Variants in HS6ST1 observed in about 807,000 individuals in gnomAD.
The protein encoded by HS6ST1 is heparan-sulfate 6-O-sulfotransferase 1.
Under a neutral mutation model 25.2 loss-of-function variants are expected in HS6ST1, and 3 were observed. That is an observed-to-expected ratio of 0.12 (90% CI 0.05 to 0.31). The LOEUF (loss-of-function observed/expected upper bound fraction) is 0.31. Ranked by LOEUF, HS6ST1 falls within the 10% of genes least tolerant of loss-of-function variation. The probability of loss-of-function intolerance (pLI) is 1.00; values close to 1 mark genes in which losing one functional copy is unlikely to be tolerated. For missense variants in HS6ST1, 310 were observed against 609.6 expected, an observed-to-expected ratio of 0.51 and a Z score of 5.18; for synonymous variants, 204 against 275.1, an observed-to-expected ratio of 0.74 and a Z score of 2.56.
intron 1 of HS6ST1, among the ~76,000 whole-genome samples, chr2:128,280,049 G>A (rs1693757334): frequency 6.6e-6 from 1 of 152,160 alleles, no homozygotes; most frequent in Non-Finnish European, 1.5e-5. Context: ...GAACCTTCAG[G>A]AGGACGCCAA....
chr2:128,299,128 T>C (rs1452530295), intron 1 of HS6ST1, among the ~76,000 whole-genome samples: 3 of 152,226 alleles, frequency 2.0e-5, no homozygotes, highest in Non-Finnish European at 2.9e-5. Flanking sequence ...AAGGACCCAG[T>C]TTCTGTTCTT....
chr2:128,278,877 G>C (rs764440714), intron 1 of HS6ST1, among the ~76,000 whole-genome samples: 4 of 152,184 alleles, frequency 2.6e-5, no homozygotes, highest in African/African-American at 7.2e-5. Context: ...CAGGAGTTGA[G>C]AGTTCGGTGA....
chr2:128,317,241 T>A (rs951787354), intron 1 of HS6ST1, among the ~76,000 whole-genome samples: 3 of 152,182 alleles, frequency 2.0e-5, no homozygotes, highest in Non-Finnish European at 4.4e-5. Flanking sequence ...CTCACGCAGC[T>A]CAGCTCTGAC....
intron 1 of HS6ST1, among the ~76,000 whole-genome samples, chr2:128,284,502 C>CTTTTTTTTTTT (rs1558872399): frequency 1.9e-5 from 2 of 104,414 alleles, no homozygotes; most frequent in African/African-American, 9.0e-5. Flanking sequence ...GACATCGTCC[C>CTTTTTTTTTTT]TCTTTTTTTT....
chr2:128,287,940 A>G (rs945921637), intron 1 of HS6ST1, among the ~76,000 whole-genome samples: 1 of 152,214 alleles, frequency 6.6e-6, no homozygotes, highest in Admixed American at 6.5e-5. Flanking sequence ...CCTGCCTGGC[A>G]CTTTCTGGCT....
At position 128,268,266 on chromosome 2, in the gene HS6ST1, G is replaced by C; in HGVS notation, c.1132C>G (p.Arg378Gly). 6.2e-7 allele frequency: 1 copy of C among 1,611,902 alleles called. No individual in the cohort carries two copies. Among genetic ancestry groups the C allele is most frequent in the Non-Finnish European group, 8.5e-7 (1 of 1,179,578 alleles). Residue 378 changes from arginine to glycine, a missense_variant, in exon 2 of 2, where the codon CGT becomes GGT. Coordinates refer to ENST00000259241, the MANE Select transcript of HS6ST1 (RefSeq NM_004807.3). The part of the protein sequence containing the change: ...REQRLRSREE[R>G]LLHRAKEALP... ...GCCTCCTTGGCCCGGTGCAGCAGAC[G>C]CTCCTCGCGGCTCCTCAGGCGCTGC...
rs541516324 is a variant in HS6ST1 at position 128,299,097 on chromosome 2, G to A, written c.527+18940C>T. 1.8e-4 allele frequency among the ~76,000 whole-genome samples: 28 copies of A among 152,370 alleles called. No homozygotes were observed. In the South Asian group the frequency reaches 5.8e-3, roughly 32 times the overall value. On this transcript the variant is annotated intron_variant, in intron 1 of 1. Transcript: ENST00000259241. ...CAGAAACACACCTGGACGTGGCCCA[G>A]GGCCGAGGTGTGACCTAGCCAAGGA...
In HS6ST1 at chr2:128,318,583, C is replaced by T. The variant is rs1694412511; in HGVS notation, c.-20G>A. On this transcript the variant is annotated 5_prime_UTR_variant, in exon 1 of 2. Transcript: ENST00000259241. This position sits in a 1 kb window ranked among gnomAD's most constrained non-coding sequence, Gnocchi z 5.7. Reference sequence around the variant, plus strand: ...CCGCATGTGTCACCATCGCCGGGGCCCGGGCGCGGGGCGCGGGGCCTGGGA... The same window carrying T: ...CCGCATGTGTCACCATCGCCGGGGCTCGGGCGCGGGGCGCGGGGCCTGGGA... 2.9e-6 allele frequency: 4 copies of T among 1,381,600 alleles called. No individual in the cohort carries two copies. Among genetic ancestry groups the T allele is most frequent in the Non-Finnish European group, 3.7e-6 (4 of 1,071,814 alleles). 85.6% of individuals were successfully genotyped at this position (1,381,600 alleles called of 1,614,324 possible). A position where few individuals can be genotyped will look rare whatever the true frequency, so the allele number is the denominator to read the frequency against.
At chr2:128,314,583 G>T (rs1326080257) in intron 1 of HS6ST1, among the ~76,000 whole-genome samples, 1 of 152,206 alleles carries the variant, frequency 6.6e-6, no homozygotes, top group Non-Finnish European at 1.5e-5. Flanking sequence ...CGGCACACAG[G>T]TCCAGCACCA....
chr2:128,276,321 A>C (rs1693693590), intron 1 of HS6ST1, among the ~76,000 whole-genome samples: 1 of 152,180 alleles, frequency 6.6e-6, no homozygotes, highest in African/African-American at 2.4e-5. Flanking sequence ...TTTTTAGTAG[A>C]GATGGGATTT....
intron 1 of HS6ST1, among the ~76,000 whole-genome samples, chr2:128,314,556 C>A (rs1694333818): frequency 6.6e-6 from 1 of 152,184 alleles, no homozygotes; most frequent in Non-Finnish European, 1.5e-5. Context: ...GAGAGGAGAG[C>A]AGGCACACCA....
Position 128,268,254 on chromosome 2 carries a change from G to C in HS6ST1, c.1144C>G (p.Arg382Gly). The stretch of plus-strand genomic sequence containing the variant: ...TCCCGCGGCAGTGCCTCCTTGGCCC[G>C]GTGCAGCAGACGCTCCTCGCGGCTC... ...LRSREERLLH[R>G]AKEALPREDA... Residue 382 changes from arginine to glycine, a missense_variant, in exon 2 of 2, where the codon CGG becomes GGG. Arg to Gly is a moderately radical substitution (Grantham distance 125). Around this residue, in one of 5 missense-constraint regions of HS6ST1, gnomAD observed 140 missense variants for 176.5 expected, o/e 0.79. Coordinates refer to ENST00000259241, the MANE Select transcript of HS6ST1 (RefSeq NM_004807.3). 1 of 1,611,496 alleles carries C rather than the reference G, an allele frequency of 6.2e-7. No homozygotes were observed. The highest frequency in any genetic ancestry group is 8.5e-7 in the Non-Finnish European group (1 of 1,179,474).
rs1001352131 is a variant in HS6ST1 at position 128,266,334 on chromosome 2, C to T, written c.*1828G>A. ...TGACCCTGACCTCCCTTTGAAAGAA[C>T]CACACCACTAAATCCCCTTGGCACT... On this transcript the variant is annotated 3_prime_UTR_variant, in exon 2 of 2. Coordinates refer to ENST00000259241, the MANE Select transcript of HS6ST1 (RefSeq NM_004807.3). The T allele has an allele frequency of 6.6e-6, 1 of 152,414 alleles. No individual in the cohort carries two copies. The highest frequency in any genetic ancestry group is 2.4e-5 in the African/African-American group (1 of 41,472). 9.4% of individuals were successfully genotyped at this position (152,414 alleles called of 1,614,324 possible). A position where few individuals can be genotyped will look rare whatever the true frequency, so the allele number is the denominator to read the frequency against.
At chr2:128,315,373 T>TA (rs1694346093) in intron 1 of HS6ST1, among the ~76,000 whole-genome samples, 1 of 152,088 alleles carries the variant, frequency 6.6e-6, no homozygotes, top group Admixed American at 6.5e-5. Flanking sequence ...CCACCTCTCT[T>TA]ACGCGCACCA....
rs1454424045 is a variant in HS6ST1, at chr2:128,265,985, G to A, written c.*2177C>T. The A allele has an allele frequency of 6.6e-5, 10 of 151,758 alleles. No homozygotes were observed. The highest frequency in any genetic ancestry group is 3.4e-3 in the Middle Eastern group (1 of 294). 9.4% of individuals were successfully genotyped at this position (151,758 alleles called of 1,614,324 possible). Reference sequence around the variant, plus strand: ...CCGCCTCTGGACACCTCAGCCCGGCGCTGGCCCGAGAGGAGACTGCTTTCC... The same window carrying A: ...CCGCCTCTGGACACCTCAGCCCGGCACTGGCCCGAGAGGAGACTGCTTTCC... On this transcript the variant is annotated 3_prime_UTR_variant, in exon 2 of 2. Transcript: ENST00000259241.
intron 1 of HS6ST1, among the ~76,000 whole-genome samples, chr2:128,315,618 G>A (rs978356968): frequency 1.3e-5 from 2 of 152,198 alleles, no homozygotes; most frequent in African/African-American, 2.4e-5. Context: ...CACCCCAGCA[G>A]GGATGGGCAC....
intron 1 of HS6ST1, among the ~76,000 whole-genome samples, chr2:128,276,585 A>G (rs958991628): frequency 6.6e-6 from 1 of 152,180 alleles, no homozygotes; most frequent in Non-Finnish European, 1.5e-5. Context: ...CTGGGGGTAC[A>G]GGTGTTCACT....
rs752189949 is a variant in HS6ST1 at position 128,268,466 on chromosome 2, T to C, written c.932A>G (p.Lys311Arg). The C allele has an allele frequency of 6.2e-6, 10 of 1,613,316 alleles. No individual in the cohort carries two copies. Among genetic ancestry groups the C allele is most frequent in the African/African-American group, 1.3e-5 (1 of 74,936 alleles). The change falls in exon 2 of 2, where the codon AAG (lysine) becomes AGG (arginine). Residue 311 changes from lysine to arginine, a missense_variant. Around this residue, in one of 5 missense-constraint regions of HS6ST1, gnomAD observed 140 missense variants for 176.5 expected, o/e 0.79. Transcript: ENST00000259241. ...GTACTGCATGAAGGGCCGGATGAACTTGAGGTTGAACGTCCGCTCGAACAG... is the reference window on the plus strand; with the variant it reads ...GTACTGCATGAAGGGCCGGATGAACCTGAGGTTGAACGTCCGCTCGAACAG... ...QYLFERTFNL[K>R]FIRPFMQYNS...
At chr2:128,316,690 A>AGT (rs754486574) in intron 1 of HS6ST1, among the ~76,000 whole-genome samples, 2,038 of 147,742 alleles carry the variant, frequency 0.014, 35 homozygotes, top group African/African-American at 0.043. Flanking sequence ...TGGGAGCTGC[A>AGT]GTGTGTGTGT....
Sources: gnomAD v4.1 joint callset for allele counts (sites outside exome capture counted in the v4.1 genomes callset) on GRCh38, gnomAD v4.1.1 for gene constraint, gnomAD v4.1.1 regional missense constraint, Gnocchi (gnomAD v3.1) non-coding constraint, MANE v1.5 for transcripts, NCBI Gene and HGNC (gene_info 2026-07-23, HGNC 2026-07-21) for gene names.